The following ARRB1 variants were observed in gnomAD, a reference collection of about 807,000 sequenced individuals.
ARRB1 encodes beta-arrestin-1.
A neutral mutation model predicts 56.8 loss-of-function variants in ARRB1; 21 were observed. That is an observed-to-expected ratio of 0.37 (90% confidence interval 0.26 to 0.53). The LOEUF is 0.53. ARRB1 is among the 20% of genes least tolerant of loss of function. The probability of loss-of-function intolerance (pLI) is 0.88; values close to 1 mark genes in which losing one functional copy is unlikely to be tolerated. For synonymous variants in ARRB1, 210 were observed against 218.6 expected (o/e 0.96, Z 0.35); for missense variants, 424 against 553.7 (o/e 0.77, Z 2.35).
intron 1 of ARRB1, among the ~76,000 whole-genome samples, chr11:75,345,666 G>A (rs550161557): frequency 3.3e-5 from 5 of 152,184 alleles, no homozygotes; most frequent in East Asian, 1.9e-4. Context: ...CCGCTCAGGC[G>A]CCCCATGCTA....
chr11:75,270,064 C>T (rs2140399654), intron 13 of ARRB1, among the ~76,000 whole-genome samples: 1 of 152,396 alleles, frequency 6.6e-6, no homozygotes, highest in Admixed American at 6.5e-5. Context: ...TTCCACCAGC[C>T]TCGCCACCCG....
chr11:75,264,968 C>G lies in ARRB1; in HGVS notation c.*1195G>C, dbSNP rs1565099274. 1 of 152,168 alleles carries G rather than the reference C, an allele frequency of 6.6e-6. No individual in the cohort carries two copies. The highest frequency in any genetic ancestry group is 1.5e-5 in the Non-Finnish European group (1 of 68,050). The allele number at this position is 152,168 out of a possible 1,614,324, so 9.4% of individuals were successfully genotyped here. A position where few individuals can be genotyped will look rare whatever the true frequency, so the allele number is the denominator to read the frequency against. On this transcript the variant is annotated 3_prime_UTR_variant, in exon 16 of 16. Transcript: ENST00000420843. ...TACTGGGTACCCATGACACTGGGAG[C>G]TATTGGAGGTCATCAACTCACCAAG...
chr11:75,322,096 C>G (rs1024898859), intron 1 of ARRB1, among the ~76,000 whole-genome samples: 2 of 152,226 alleles, frequency 1.3e-5, no homozygotes, highest in Non-Finnish European at 2.9e-5. Context: ...CCAGGATGGG[C>G]ACAGACCAGC....
At chr11:75,303,738 GC>G (rs1319632800) in intron 1 of ARRB1, 1 of 454,908 alleles carries the variant, frequency 2.2e-6, no homozygotes, top group Non-Finnish European at 4.4e-6. Flanking sequence ...TGTGTGATGT[GC>G]CCAGTTCCGT....
At chr11:75,333,854 G>A (rs186848654) in intron 1 of ARRB1, among the ~76,000 whole-genome samples, 4 of 152,268 alleles carry the variant, frequency 2.6e-5, no homozygotes, top group Non-Finnish European at 5.9e-5. Context: ...AACAAACTCC[G>A]CTTCCCTGAC....
At position 75,261,738 on chromosome 11, in the gene ARRB1, C is replaced by T. The variant is rs1000789748; in HGVS notation, c.*4425G>A. On this transcript the variant is annotated 3_prime_UTR_variant, in exon 16 of 16. Coordinates refer to ENST00000420843, the MANE Select transcript of ARRB1 (RefSeq NM_004041.5). ...GGTAGAGGTGGGGTCCTGCCACTTT[C>T]GTCCAGGAGGAATGGCAGAAGAGAT... 4 of 152,206 alleles carry T rather than the reference C, an allele frequency of 2.6e-5. No individual in the cohort carries two copies. Among genetic ancestry groups the T allele is most frequent in the Admixed American group, 6.5e-5 (1 of 15,278 alleles). The allele number at this position is 152,206 out of a possible 1,614,324, so 9.4% of individuals were successfully genotyped here.
intron 6 of ARRB1, 30 bp from the exon 7 acceptor site, chr11:75,281,172 C>T (rs1340604206): frequency 6.3e-7 from 1 of 1,575,254 alleles, no homozygotes; most frequent in Non-Finnish European, 8.6e-7. Context: ...GACCACAGGG[C>T]CTTGGAGAAG....
At chr11:75,289,751 T>C (rs1053369792) in intron 2 of ARRB1, among the ~76,000 whole-genome samples, 3 of 152,118 alleles carry the variant, frequency 2.0e-5, no homozygotes, top group Non-Finnish European at 4.4e-5. Flanking sequence ...AGTCTCTCTA[T>C]GACAGGCCGT....
intron 3 of ARRB1, among the ~76,000 whole-genome samples, chr11:75,286,253 ATCTTTTTT>A (rs1946469552): frequency 1.1e-5 from 1 of 92,826 alleles, no homozygotes; most frequent in Non-Finnish European, 2.0e-5. Flanking sequence ...TGATTTGCTC[ATCTTTTTT>A]TTTTTTTTTT....
intron 15 of ARRB1, 113 bp from the exon 16 acceptor site, chr11:75,266,387 C>A: frequency 2.4e-6 from 2 of 843,974 alleles, no homozygotes. Flanking sequence ...CGGGGAGAAC[C>A]ACCCTCTCTG....
intron 10 of ARRB1, among the ~76,000 whole-genome samples, chr11:75,275,685 C>A (rs1591900911): frequency 6.6e-6 from 1 of 152,312 alleles, no homozygotes; most frequent in East Asian, 1.9e-4. Context: ...AGTCGGACGA[C>A]CGTGTTCCAG....
intron 1 of ARRB1, among the ~76,000 whole-genome samples, chr11:75,302,260 G>A (rs910696880): frequency 1.4e-4 from 22 of 152,186 alleles, no homozygotes; most frequent in African/African-American, 4.3e-4. Context: ...CTTCTAGGCC[G>A]ACAGCAATTC....
chr11:75,300,861 G>C (rs1378099948), intron 1 of ARRB1, among the ~76,000 whole-genome samples: 5 of 150,428 alleles, frequency 3.3e-5, no homozygotes, highest in Non-Finnish European at 5.9e-5. Context: ...CCAGCTGCGC[G>C]GGAGGCTGAG....
intron 1 of ARRB1, among the ~76,000 whole-genome samples, chr11:75,344,927 C>T (rs1375045017): frequency 3.3e-5 from 5 of 152,192 alleles, no homozygotes; most frequent in African/African-American, 9.7e-5. Context: ...CTCATCCAGG[C>T]CCATACACGG....
At chr11:75,327,532 A>G (rs564778709) in intron 1 of ARRB1, among the ~76,000 whole-genome samples, 1 of 151,832 alleles carries the variant, frequency 6.6e-6, no homozygotes, top group African/African-American at 2.4e-5. Context: ...TTAGGAGGCC[A>G]AGACAGGAGG....
chr11:75,337,257 C>A (rs1947619546), intron 1 of ARRB1, among the ~76,000 whole-genome samples: 1 of 152,118 alleles, frequency 6.6e-6, no homozygotes, highest in Non-Finnish European at 1.5e-5. Flanking sequence ...TTGAGACCAG[C>A]CTGAGCAACA....
chr11:75,281,529 G>A (rs1187010675), intron 6 of ARRB1: 2 of 323,170 alleles, frequency 6.2e-6, no homozygotes, highest in South Asian at 5.1e-5. Flanking sequence ...AAGACAAGGA[G>A]GCACGTGCTG....
intron 1 of ARRB1, among the ~76,000 whole-genome samples, chr11:75,292,528 C>T (rs1360443231): frequency 6.6e-6 from 1 of 152,174 alleles, no homozygotes; most frequent in East Asian, 1.9e-4. Flanking sequence ...AGGAAAAATA[C>T]AGATCACAAG....
In ARRB1 at chr11:75,262,724, C is replaced by G. The variant is rs980410833; in HGVS notation, c.*3439G>C. 6.6e-6 allele frequency among the ~76,000 whole-genome samples: 1 copy of G among 152,336 alleles called. No individual in the cohort carries two copies. The highest frequency in any genetic ancestry group is 3.4e-3 in the Middle Eastern group (1 of 294). On this transcript the variant is annotated 3_prime_UTR_variant, in exon 16 of 16. Transcript: ENST00000420843. The stretch of plus-strand genomic sequence containing the variant: ...AAATTGAGCCCCAGAGGTTGAGTAG[C>G]TTGCCCAAGCCCCCCAGGTGGTTGG...
Sources: allele counts gnomAD v4.1 joint callset (sites outside exome capture counted in the v4.1 genomes callset), GRCh38; gene constraint gnomAD v4.1.1; transcripts MANE v1.5; gene names NCBI Gene and HGNC (gene_info 2026-07-23, HGNC 2026-07-21).